The following VDR variants were observed in gnomAD, a reference collection of about 807,000 sequenced individuals.
VDR encodes the protein vitamin D3 receptor.
VDR carries 19 observed loss-of-function variants against 39.7 expected under a neutral mutation model. The ratio of observed to expected loss-of-function variants is 0.48; its 90% CI spans 0.33 to 0.70. The LOEUF is 0.70. VDR is among the 30% of genes least tolerant of loss of function. VDR has a pLI of 0.02. For synonymous variants in VDR, 242 were observed against 215.8 expected (o/e 1.12, Z -1.07); for missense variants, 442 against 570.5 (o/e 0.77, Z 2.29).
intron 7 of VDR, among the ~76,000 whole-genome samples, chr12:47,849,469 G>A (rs1355447508): frequency 6.6e-6 from 1 of 152,204 alleles, no homozygotes; most frequent in Non-Finnish European, 1.5e-5. Context: ...TACAATCCAC[G>A]TGATAGTACA....
intron 1 of VDR, among the ~76,000 whole-genome samples, chr12:47,890,550 G>C (rs12302580): frequency 0.07 from 10,684 of 152,068 alleles, 1,218 homozygotes; most frequent in African/African-American, 0.24. Flanking sequence ...CCTGACTGCA[G>C]AAGAGCAGAG....
intron 1 of VDR, chr12:47,904,507 C>A: frequency 1.7e-6 from 2 of 1,182,678 alleles, no homozygotes; most frequent in South Asian, 1.8e-5. Flanking sequence ...AGACCCAACT[C>A]CACCATCACA....
Position 47,857,365 on chromosome 12 carries a change from G to A in VDR, c.463-116C>T, listed in dbSNP as rs549096109. 2,701 of 1,604,214 alleles carry A rather than the reference G, an allele frequency of 1.7e-3. 3 individuals carry two copies. The highest frequency in any genetic ancestry group is 2.1e-3 in the Non-Finnish European group (2,511 of 1,173,754). On this transcript the variant is annotated intron_variant, in intron 5 of 9. Coordinates refer to ENST00000549336, the MANE Select transcript of VDR (RefSeq NM_000376.3). ...GTCTACAGGAAGGCGAAGCCTCCCA[G>A]TGCCAGGGGCAGAGCAGCCTCCGTC...
In VDR at chr12:47,879,410, CCCCGCTGTCTG is replaced by C. The variant is rs569921622; in HGVS notation, c.-2-306_-2-296del. On this transcript the variant is annotated intron_variant, in intron 2 of 9. Coordinates refer to ENST00000549336, the MANE Select transcript of VDR (RefSeq NM_000376.3). The stretch of plus-strand genomic sequence containing the variant: ...GGTTTAGTGGTTCACCTCTGCATGC[CCCCGCTGTCTG>C]CATTGGAAGAGGTGTTTTACTTCCA... Among the ~76,000 whole-genome samples the C allele has an allele frequency of 3.7e-3, 563 of 152,302 alleles. 2 individuals are homozygous for C. Among genetic ancestry groups the C allele is most frequent in the Middle Eastern group, 0.01 (3 of 294 alleles).
chr12:47,880,003 C>T (rs1946111762), intron 2 of VDR, among the ~76,000 whole-genome samples: 1 of 152,178 alleles, frequency 6.6e-6, no homozygotes, highest in East Asian at 1.9e-4. Context: ...AAAACTGGGC[C>T]CCCAGCTTTG....
At position 47,844,145 on chromosome 12, in the gene VDR, G is replaced by A. The variant is rs11574121; in HGVS notation, c.*601C>T. 251 of 160,988 alleles carry A rather than the reference G, an allele frequency of 1.6e-3. 1 individual carries two copies. The highest frequency in any genetic ancestry group is 2.2e-3 in the Non-Finnish European group (161 of 72,958). The allele number at this position is 160,988 out of a possible 1,614,324, so 10.0% of individuals were successfully genotyped here. A position where few individuals can be genotyped will look rare whatever the true frequency, so the allele number is the denominator to read the frequency against. On this transcript the variant is annotated 3_prime_UTR_variant, in exon 10 of 10. Coordinates refer to ENST00000549336, the MANE Select transcript of VDR (RefSeq NM_000376.3). ...GTTTTTGTCTGTTTTTCCTCCTTGG[G>A]TCTCTCAGCAGGTGGGTTCGTGCCT...
intron 1 of VDR, among the ~76,000 whole-genome samples, chr12:47,888,226 C>T (rs142079615): frequency 2.0e-5 from 3 of 152,234 alleles, no homozygotes; most frequent in East Asian, 1.9e-4. Flanking sequence ...AAAAACTGGC[C>T]CCCATGATTC....
chr12:47,873,507 G>A (rs956111395), intron 3 of VDR, among the ~76,000 whole-genome samples: 16 of 150,406 alleles, frequency 1.1e-4, no homozygotes, highest in Admixed American at 5.3e-4. Context: ...GACTACAGGC[G>A]CCCGCCACCT....
chr12:47,851,212 G>A (rs1945381687), intron 7 of VDR, among the ~76,000 whole-genome samples: 1 of 152,158 alleles, frequency 6.6e-6, no homozygotes, highest in African/African-American at 2.4e-5. Context: ...ACTTGTCAGT[G>A]AAGCCTGGGG....
chr12:47,891,230 G>A (rs755410684), intron 1 of VDR, among the ~76,000 whole-genome samples: 125 of 152,150 alleles, frequency 8.2e-4, no homozygotes, highest in Non-Finnish European at 1.6e-3. Context: ...GCCCATTCCT[G>A]TCTCCTTATC....
At chr12:47,882,104 T>A (rs1449723744) in intron 2 of VDR, among the ~76,000 whole-genome samples, 1 of 152,180 alleles carries the variant, frequency 6.6e-6, no homozygotes, top group Non-Finnish European at 1.5e-5. Flanking sequence ...AACAACATAC[T>A]ACCACAGCAC....
At chr12:47,888,273 G>A (rs1946299248) in intron 1 of VDR, among the ~76,000 whole-genome samples, 1 of 152,170 alleles carries the variant, frequency 6.6e-6, no homozygotes, top group South Asian at 2.1e-4. Flanking sequence ...CAACACGTGG[G>A]AATTCTGAGG....
chr12:47,878,569 C>T (rs1031332295), intron 3 of VDR, among the ~76,000 whole-genome samples: 3 of 152,216 alleles, frequency 2.0e-5, no homozygotes, highest in South Asian at 2.1e-4. Context: ...GATGGGAAGG[C>T]AAGCTCTGAA....
chr12:47,884,340 G>A (rs1418408456), intron 1 of VDR, among the ~76,000 whole-genome samples: 2 of 152,176 alleles, frequency 1.3e-5, no homozygotes, highest in African/African-American at 4.8e-5. Context: ...GTTCTGTGAG[G>A]CAGGGAGCAG....
intron 4 of VDR, among the ~76,000 whole-genome samples, chr12:47,859,993 C>T (rs1165352328): frequency 6.2e-5 from 9 of 146,114 alleles, no homozygotes; most frequent in Admixed American, 2.8e-4. Context: ...CACAGACTCT[C>T]GCTCTATTAT....
intron 3 of VDR, among the ~76,000 whole-genome samples, chr12:47,867,450 A>C (rs1945760747): frequency 6.6e-6 from 1 of 151,992 alleles, no homozygotes; most frequent in Admixed American, 6.6e-5. Context: ...TGCACATTTA[A>C]GGGCTCATTT....
chr12:47,868,388 A>T (rs1321694184), intron 3 of VDR, among the ~76,000 whole-genome samples: 1 of 152,232 alleles, frequency 6.6e-6, no homozygotes, highest in African/African-American at 2.4e-5. Context: ...CTTAGCTCCA[A>T]GTCTAGCCCG....
chr12:47,904,608 C>G, intron 1 of VDR: 1 of 1,536,008 alleles, frequency 6.5e-7, no homozygotes, highest in Non-Finnish European at 8.7e-7. Context: ...CCAATCGCTC[C>G]TTTTCTTATT....
chr12:47,864,001 G>A (rs767194113), intron 4 of VDR, among the ~76,000 whole-genome samples: 1 of 152,076 alleles, frequency 6.6e-6, no homozygotes, highest in African/African-American at 2.4e-5. Flanking sequence ...CACTCCAAAC[G>A]GTCCCATAGC....
Sources: allele counts gnomAD v4.1 joint callset (sites outside exome capture counted in the v4.1 genomes callset), GRCh38; gene constraint gnomAD v4.1.1; transcripts MANE v1.5; gene names NCBI Gene and HGNC (gene_info 2026-07-23, HGNC 2026-07-21).